Variants in RIC3 observed in about 807,000 individuals in gnomAD.
The protein encoded by RIC3 is RIC3 acetylcholine receptor chaperone.
A neutral mutation model predicts 27.3 loss-of-function variants in RIC3; 28 were observed. The observed-to-expected ratio is 1.02, with a 90% confidence interval of 0.76 to 1.41. The LOEUF (loss-of-function observed/expected upper bound fraction) is 1.41, where lower values mean the gene tolerates loss of function less well. Ranked by LOEUF, RIC3 falls within the 40% of genes most tolerant of loss-of-function variation. The pLI, the probability that RIC3 is intolerant of heterozygous loss-of-function variation, is 0.00. For missense variants in RIC3, 501 were observed against 444.7 expected (o/e 1.13, Z -1.14); for synonymous variants, 184 against 160.4 (o/e 1.15, Z -1.11).
Position 8,140,075 on chromosome 11 carries a change from T to C in RIC3, c.243A>G (p.Gly81=). 1 of 1,614,086 alleles carries C rather than the reference T, an allele frequency of 6.2e-7. No individual in the cohort carries two copies. Among genetic ancestry groups the C allele is most frequent in the Non-Finnish European group, 8.5e-7 (1 of 1,180,010 alleles). Residue 81 remains glycine (G), a synonymous_variant, in exon 2 of 6, where the codon GGA becomes GGG. Transcript: ENST00000309737. The stretch of plus-strand genomic sequence containing the variant: ...CTCCTCCTCCAGCACCTCCACCTGA[T>C]CCTTTGGCCTTTGCAAATGCCTCGG... ...HLAEAFAKAK[G]SGGGAGGGGS...
chr11:8,098,203 G>C, the RIC3 span, among the ~76,000 whole-genome samples: 1 of 152,148 alleles, frequency 6.6e-6, no homozygotes, highest in Non-Finnish European at 1.5e-5. Context: ...AGCAATCTTG[G>C]GGGTGGGGGG....
intron 4 of RIC3, among the ~76,000 whole-genome samples, chr11:8,131,786 A>G (rs1947753949): frequency 1.3e-5 from 2 of 151,354 alleles, no homozygotes; most frequent in Admixed American, 1.3e-4. Flanking sequence ...CTGTAGTCCC[A>G]GCTACTCAGG....
At chr11:8,134,455 T>C (rs985492824) in intron 4 of RIC3, among the ~76,000 whole-genome samples, 1 of 152,248 alleles carries the variant, frequency 6.6e-6, no homozygotes, top group African/African-American at 2.4e-5. Context: ...TCAGTAAACA[T>C]ATGTGTGCAT....
intron 5 of RIC3, among the ~76,000 whole-genome samples, chr11:8,115,811 T>C (rs922787335): frequency 6.6e-6 from 1 of 152,182 alleles, no homozygotes; most frequent in Non-Finnish European, 1.5e-5. Flanking sequence ...TGCTATAATG[T>C]CCATACTATA....
intron 1 of RIC3, among the ~76,000 whole-genome samples, chr11:8,158,484 A>G (rs918068218): frequency 2.0e-5 from 3 of 152,050 alleles, no homozygotes; most frequent in East Asian, 3.9e-4. Flanking sequence ...GAGTACTTCA[A>G]CTACCCTGCA....
the RIC3 span, among the ~76,000 whole-genome samples, chr11:8,099,743 A>C: frequency 6.6e-6 from 1 of 152,192 alleles, no homozygotes; most frequent in African/African-American, 2.4e-5. Flanking sequence ...TATGTGTGAG[A>C]ATTTCAGAAT....
the RIC3 span, chr11:8,098,835 A>G: frequency 6.2e-7 from 1 of 1,614,180 alleles, no homozygotes; most frequent in Non-Finnish European, 8.5e-7. Flanking sequence ...TCCACTTTGG[A>G]AAGTGGAACC....
chr11:8,143,721 G>C (rs1326402930), intron 1 of RIC3, among the ~76,000 whole-genome samples: 2 of 152,090 alleles, frequency 1.3e-5, no homozygotes, highest in Non-Finnish European at 2.9e-5. Flanking sequence ...GCATCGCCAA[G>C]GCAATCCTAA....
chr11:8,107,942 A>G lies in RIC3; in HGVS notation c.*2756T>C, dbSNP rs1944855650. ...AGCCCTGGCAACAAAAACCGGACCC[A>G]TGATTTTGTCATCCTGGGTTGTATA... On this transcript the variant is annotated 3_prime_UTR_variant, in exon 6 of 6. Transcript: ENST00000309737. The G allele has an allele frequency of 2.6e-5, 4 of 152,230 alleles. No individual in the cohort carries two copies. The highest frequency in any genetic ancestry group is 9.6e-5 in the African/African-American group (4 of 41,462). The allele number at this position is 152,230 out of a possible 1,614,324, so 9.4% of individuals were successfully genotyped here.
At chr11:8,128,661 T>C (rs545643535) in intron 4 of RIC3, among the ~76,000 whole-genome samples, 8 of 152,102 alleles carry the variant, frequency 5.3e-5, no homozygotes, top group African/African-American at 1.7e-4. Context: ...GTTAGTTTGA[T>C]TGATCCCCAT....
intron 1 of RIC3, among the ~76,000 whole-genome samples, chr11:8,164,222 A>G (rs974489019): frequency 3.3e-5 from 5 of 152,214 alleles, no homozygotes; most frequent in African/African-American, 1.2e-4. Context: ...AGCAAAAACT[A>G]TAAAACTTGA....
At chr11:8,140,458 A>G (rs1414150158) in intron 1 of RIC3, among the ~76,000 whole-genome samples, 3 of 152,216 alleles carry the variant, frequency 2.0e-5, no homozygotes, top group Non-Finnish European at 1.5e-5. Flanking sequence ...AAATGTGGCC[A>G]TATAAACTGA....
Position 8,110,612 on chromosome 11 carries a change from G to C in RIC3, c.*86C>G. The C allele has an allele frequency of 8.4e-7, 1 of 1,184,380 alleles. No homozygotes were observed. The highest frequency in any genetic ancestry group is 2.3e-5 in the East Asian group (1 of 43,022). The allele number at this position is 1,184,380 out of a possible 1,614,324, so 73.4% of individuals were successfully genotyped here. The stretch of plus-strand genomic sequence containing the variant: ...ATGACACTTGAACACAGTGAAGAAA[G>C]TGCAGGGCACAGGGCCAAGAAGGAA... On this transcript the variant is annotated 3_prime_UTR_variant, in exon 6 of 6. Coordinates refer to ENST00000309737, the MANE Select transcript of RIC3 (RefSeq NM_001206671.4).
At chr11:8,097,074 G>A in the RIC3 span, among the ~76,000 whole-genome samples, 3 of 152,118 alleles carry the variant, frequency 2.0e-5, no homozygotes, top group African/African-American at 7.2e-5. Context: ...TGGGAAGATA[G>A]CTTCTGACCC....
intron 2 of RIC3, 55 bp downstream of exon 2, chr11:8,139,912 T>C (rs1590236053): frequency 2.7e-6 from 4 of 1,466,772 alleles, no homozygotes; most frequent in Non-Finnish European, 3.8e-6. Flanking sequence ...ACAATGATTT[T>C]TATTGCCATA....
At chr11:8,131,638 C>A (rs1181159026) in intron 4 of RIC3, among the ~76,000 whole-genome samples, 1 of 151,994 alleles carries the variant, frequency 6.6e-6, no homozygotes, top group Non-Finnish European at 1.5e-5. Context: ...CGGTGGCTCA[C>A]GACTGTAATC....
chr11:8,168,852 T>A lies in RIC3; in HGVS notation c.124+14A>T, dbSNP rs747671308. 6.2e-7 allele frequency: 1 copy of A among 1,608,956 alleles called. No homozygotes were observed. On this transcript the variant is annotated intron_variant, in intron 1 of 5. Transcript: ENST00000309737. ...CGGCGCCGGGAAGCTCAGAGGGAGC[T>A]GGCCTGCTCTTACCTTCAGGTGTCG...
chr11:8,156,545 C>T (rs929533487), intron 1 of RIC3, among the ~76,000 whole-genome samples: 1 of 152,184 alleles, frequency 6.6e-6, no homozygotes, highest in African/African-American at 2.4e-5. Context: ...CAACTGAATT[C>T]CATAATCTAA....
At chr11:8,111,712 G>C (rs889124963) in intron 5 of RIC3, among the ~76,000 whole-genome samples, 1 of 152,172 alleles carries the variant, frequency 6.6e-6, no homozygotes, top group African/African-American at 2.4e-5. Flanking sequence ...CTGCATTTTC[G>C]GAAGACAGAA....
Sources: gnomAD v4.1 joint callset for allele counts (sites outside exome capture counted in the v4.1 genomes callset) on GRCh38, gnomAD v4.1.1 for gene constraint, MANE v1.5 for transcripts, NCBI Gene and HGNC (gene_info 2026-07-23, HGNC 2026-07-21) for gene names.